The following SCHIP1 variants were observed in gnomAD, a reference collection of about 807,000 sequenced individuals.
SCHIP1 encodes schwannomin interacting protein 1.
SCHIP1 carries 8 observed loss-of-function variants against 29.7 expected under a neutral mutation model. That is an observed-to-expected ratio of 0.27 (90% CI 0.16 to 0.49). The LOEUF is 0.49. Ranked by LOEUF, SCHIP1 falls within the 20% of genes least tolerant of loss-of-function variation. SCHIP1 has a pLI of 0.99. For synonymous variants in SCHIP1, 76 were observed against 94.9 expected (o/e 0.80, Z 1.16); for missense variants, 193 against 294.6 (o/e 0.66, Z 2.52).
the SCHIP1 span, among the ~76,000 whole-genome samples, chr3:159,570,937 C>T: frequency 6.6e-6 from 1 of 152,148 alleles, no homozygotes; most frequent in Non-Finnish European, 1.5e-5. Flanking sequence ...CTTGATTTGG[C>T]TCTCTGTCTG....
At chr3:159,493,969 C>T in the SCHIP1 span, among the ~76,000 whole-genome samples, 1 of 152,082 alleles carries the variant, frequency 6.6e-6, no homozygotes, top group Non-Finnish European at 1.5e-5. Flanking sequence ...CGCTCAACTA[C>T]ATGGAAACTG....
the SCHIP1 span, among the ~76,000 whole-genome samples, chr3:159,364,365 T>A: frequency 6.6e-6 from 1 of 152,218 alleles, no homozygotes; most frequent in Non-Finnish European, 1.5e-5. Context: ...AATATATGGA[T>A]TTCCTAGAAC....
the SCHIP1 span, among the ~76,000 whole-genome samples, chr3:159,756,967 T>C: frequency 6.6e-6 from 1 of 152,234 alleles, no homozygotes; most frequent in East Asian, 1.9e-4. Flanking sequence ...ACTATCAGCA[T>C]TTTTGGCAAA....
At chr3:159,778,286 C>A in the SCHIP1 span, among the ~76,000 whole-genome samples, 11 of 152,148 alleles carry the variant, frequency 7.2e-5, no homozygotes, top group African/African-American at 2.7e-4. Flanking sequence ...AGCCACCGCG[C>A]CCGGCTAGGA....
chr3:159,876,713 T>C (rs1247768444), intron 2 of SCHIP1, among the ~76,000 whole-genome samples: 3 of 152,246 alleles, frequency 2.0e-5, no homozygotes, highest in Admixed American at 1.3e-4. Flanking sequence ...TGTTTGGACA[T>C]ACGCTTTTAT....
chr3:159,466,205 G>A, the SCHIP1 span, among the ~76,000 whole-genome samples: 1 of 152,094 alleles, frequency 6.6e-6, no homozygotes, highest in Non-Finnish European at 1.5e-5. Context: ...TTGTGTAGTT[G>A]TTAAAAACAT....
the SCHIP1 span, among the ~76,000 whole-genome samples, chr3:159,477,659 T>C: frequency 3.3e-5 from 5 of 152,312 alleles, no homozygotes; most frequent in African/African-American, 1.2e-4. Context: ...TTGAATTCTT[T>C]ATATATTTTA....
At chr3:159,385,317 G>C in the SCHIP1 span, among the ~76,000 whole-genome samples, 1 of 152,156 alleles carries the variant, frequency 6.6e-6, no homozygotes, top group Admixed American at 6.6e-5. Context: ...CAGCACTTTG[G>C]GAGGCTGAGT....
chr3:159,662,758 T>C, the SCHIP1 span, among the ~76,000 whole-genome samples: 2 of 152,228 alleles, frequency 1.3e-5, no homozygotes, highest in African/African-American at 2.4e-5. Context: ...CCCAAGATCA[T>C]GCAGCTTATA....
the SCHIP1 span, among the ~76,000 whole-genome samples, chr3:159,494,092 T>C: frequency 1.3e-5 from 2 of 152,130 alleles, no homozygotes; most frequent in Non-Finnish European, 2.9e-5. Flanking sequence ...CTCTGGAACA[T>C]ATTCAAAGCA....
the SCHIP1 span, among the ~76,000 whole-genome samples, chr3:159,379,651 G>A: frequency 7.4e-3 from 1,134 of 152,318 alleles, 8 homozygotes; most frequent in Non-Finnish European, 9.1e-3. Flanking sequence ...AAGTTCCATA[G>A]ACTTTTTCCT....
At chr3:159,593,678 C>A in the SCHIP1 span, among the ~76,000 whole-genome samples, 6 of 150,850 alleles carry the variant, frequency 4.0e-5, no homozygotes, top group African/African-American at 1.5e-4. Flanking sequence ...GACTCTCCCG[C>A]TGCCACCCAT....
chr3:159,887,538 T>C lies in SCHIP1; in HGVS notation c.268-170T>C, dbSNP rs944636623. On this transcript the variant is annotated intron_variant, in intron 3 of 6. Transcript: ENST00000445224. ...GTTTATGCTAAAATCTATTTTAAAC[T>C]AGACCCTTTTTCTGTTACTTGAGAT... 5 of 700,582 alleles carry C rather than the reference T, an allele frequency of 7.1e-6. 1 individual carries two copies. In the Admixed American group the frequency reaches 9.6e-5, roughly 13 times the overall value. The allele number at this position is 700,582 out of a possible 1,614,324, so 43.4% of individuals were successfully genotyped here. A position where few individuals can be genotyped will look rare whatever the true frequency, so the allele number is the denominator to read the frequency against.
At chr3:159,719,059 C>T in the SCHIP1 span, among the ~76,000 whole-genome samples, 33 of 152,032 alleles carry the variant, frequency 2.2e-4, no homozygotes, top group Non-Finnish European at 2.9e-5. Context: ...AACAGAACAG[C>T]GCCCTCAGAA....
At chr3:159,715,133 G>A in the SCHIP1 span, among the ~76,000 whole-genome samples, 1 of 152,216 alleles carries the variant, frequency 6.6e-6, no homozygotes, top group Admixed American at 6.5e-5. Flanking sequence ...AGGCAAACAG[G>A]GTCTGGAGTG....
chr3:159,656,468 T>C, the SCHIP1 span, among the ~76,000 whole-genome samples: 3 of 152,156 alleles, frequency 2.0e-5, no homozygotes, highest in African/African-American at 7.2e-5. Context: ...CTTCTCCTGT[T>C]AGTCAGTTGC....
chr3:159,389,682 A>G, the SCHIP1 span, among the ~76,000 whole-genome samples: 3 of 151,974 alleles, frequency 2.0e-5, no homozygotes, highest in Non-Finnish European at 4.4e-5. Context: ...AAATGTGATT[A>G]CTCTTTTACC....
chr3:159,274,131 T>C, the SCHIP1 span: 4 of 985,258 alleles, frequency 4.1e-6, no homozygotes, highest in African/African-American at 7.0e-5. Context: ...TGAGTGTTCT[T>C]TTTTGTAGTG....
At chr3:159,273,480 A>C in the SCHIP1 span, 1 of 1,085,858 alleles carries the variant, frequency 9.2e-7, no homozygotes, top group Middle Eastern at 4.2e-4. Context: ...TAAGATCAAG[A>C]ACTTTTCTGG....
Sources: allele counts gnomAD v4.1 joint callset (sites outside exome capture counted in the v4.1 genomes callset), GRCh38; gene constraint gnomAD v4.1.1; transcripts MANE v1.5; gene names NCBI Gene and HGNC (gene_info 2026-07-23, HGNC 2026-07-21).